Variants in DCBLD1 observed in about 807,000 individuals in gnomAD.
The protein encoded by DCBLD1 is discoidin, CUB and LCCL domain containing 1.
Under a neutral mutation model 71.5 loss-of-function variants are expected in DCBLD1, and 57 were observed. That is an observed-to-expected ratio of 0.80 (90% CI 0.64 to 0.99). The LOEUF (loss-of-function observed/expected upper bound fraction) is 0.99, where lower values mean the gene tolerates loss of function less well. Among genes scored for constraint, DCBLD1 ranks in the 50% least tolerant of loss-of-function variants. The pLI, the probability that DCBLD1 is intolerant of heterozygous loss-of-function variation, is 0.00. For synonymous variants in DCBLD1, 380 were observed against 363.8 expected (o/e 1.04, Z -0.51); for missense variants, 891 against 923.5 (o/e 0.96, Z 0.46).
In DCBLD1 at chr6:117,519,914, G is replaced by A; in HGVS notation, c.424G>A (p.Gly142Ser). ...FESGSHISGR[G>S]FLLTYASSDH... ...GAGTGGATCCCACATTTCTGGCCGG[G>A]GTTTTTTGCTGACCTATGCGAGCAG... is the stretch of plus-strand genomic sequence containing the variant. The change falls in exon 3 of 15, where the codon GGT becomes AGT. Residue 142 changes from glycine (G) to serine (S), a missense_variant. Gly to Ser is a moderately conservative substitution (Grantham distance 56). Coordinates refer to ENST00000338728, the MANE Select transcript of DCBLD1 (RefSeq NM_001366458.2). The A allele has an allele frequency of 6.2e-7, 1 of 1,614,070 alleles. No homozygotes were observed.
chr6:117,500,725 T>G (rs9688361), intron 1 of DCBLD1, among the ~76,000 whole-genome samples: 91,102 of 151,876 alleles, frequency 0.6, 29,203 homozygotes, highest in African/African-American at 0.85. Flanking sequence ...AAATTAGCCG[T>G]ACGTAAATGC....
chr6:117,544,279 C>A, intron 12 of DCBLD1: 1 of 387,778 alleles, frequency 2.6e-6, no homozygotes, highest in Non-Finnish European at 4.5e-6. Flanking sequence ...GCACTGATTT[C>A]TAATATGCAA....
chr6:117,487,458 C>T (rs1664926244), intron 1 of DCBLD1, among the ~76,000 whole-genome samples: 1 of 152,106 alleles, frequency 6.6e-6, no homozygotes, highest in African/African-American at 2.4e-5. Flanking sequence ...AATCCCATCT[C>T]TAGCGAAAAT....
intron 7 of DCBLD1, 133 bp downstream of exon 7, chr6:117,537,358 C>T (rs1483823503): frequency 1.4e-6 from 1 of 736,290 alleles, no homozygotes; most frequent in East Asian, 3.2e-5. Context: ...CACAGTGAAA[C>T]CCCGTCTCTA....
chr6:117,488,181 G>C (rs548437468), intron 1 of DCBLD1, among the ~76,000 whole-genome samples: 16 of 152,178 alleles, frequency 1.1e-4, no homozygotes, highest in Non-Finnish European at 2.1e-4. Flanking sequence ...ACCCAGTACG[G>C]TGCCTGGCAC....
intron 3 of DCBLD1, 85 bp from the exon 4 acceptor site, chr6:117,521,440 C>G: frequency 8.2e-7 from 1 of 1,213,138 alleles, no homozygotes; most frequent in Non-Finnish European, 1.2e-6. Context: ...TTTAAAAACT[C>G]TTTTATTTTA....
chr6:117,495,176 C>T (rs1219177230), intron 1 of DCBLD1, among the ~76,000 whole-genome samples: 1 of 144,700 alleles, frequency 6.9e-6, no homozygotes. Context: ...TAGACTTTCT[C>T]AGCCGATTAA....
At chr6:117,541,561 G>A (rs1308115277) in intron 11 of DCBLD1, among the ~76,000 whole-genome samples, 3 of 152,036 alleles carry the variant, frequency 2.0e-5, no homozygotes, top group Non-Finnish European at 4.4e-5. Context: ...TTTTGTATAC[G>A]GTTTGCATTT....
intron 13 of DCBLD1, 138 bp downstream of exon 13, chr6:117,544,715 A>G: frequency 2.6e-6 from 2 of 769,504 alleles, no homozygotes; most frequent in South Asian, 5.0e-5. Context: ...AAAGTAGCAT[A>G]TCTATAAGGA....
At chr6:117,505,745 G>T (rs77182475) in intron 2 of DCBLD1, among the ~76,000 whole-genome samples, 2,100 of 152,186 alleles carry the variant, frequency 0.014, 20 homozygotes, top group Non-Finnish European at 0.021. Context: ...AGGAATGATC[G>T]CTTGAGCTCA....
rs181875584 is a variant in DCBLD1, at chr6:117,538,508, T to C, written c.761-112T>C. 9.5e-5 allele frequency: 93 copies of C among 977,384 alleles called. No individual in the cohort carries two copies. The East Asian group carries it at 2.2e-3, about 23-fold the overall frequency. 60.5% of individuals were successfully genotyped at this position (977,384 alleles called of 1,614,324 possible). A position where few individuals can be genotyped will look rare whatever the true frequency, so the allele number is the denominator to read the frequency against. On this transcript the variant is annotated intron_variant, in intron 7 of 14. Transcript: ENST00000338728. ...TGGTAATTAAACACTTTATTCCATA[T>C]CAGAATAAAAGTCAACTAGTTGAAT...
At chr6:117,532,553 G>T (rs1224951358) in intron 6 of DCBLD1, among the ~76,000 whole-genome samples, 160 bp downstream of exon 6, 1 of 152,228 alleles carries the variant, frequency 6.6e-6, no homozygotes, top group Non-Finnish European at 1.5e-5. Context: ...TCTGGTCTCT[G>T]CATGGATGAT....
intron 12 of DCBLD1, among the ~76,000 whole-genome samples, chr6:117,543,880 A>G (rs1443783144): frequency 1.3e-5 from 2 of 152,218 alleles, no homozygotes; most frequent in Non-Finnish European, 2.9e-5. Context: ...TATAAAATAT[A>G]GTTTACCCAG....
In DCBLD1 at chr6:117,561,062, G is replaced by A. The variant is rs1310918861; in HGVS notation, c.1616-8558G>A. 2.7e-5 allele frequency: 6 copies of A among 223,356 alleles called. No homozygotes were observed. The East Asian group carries it at 3.9e-4, about 15-fold the overall frequency. 13.8% of individuals were successfully genotyped at this position (223,356 alleles called of 1,614,324 possible). A position where few individuals can be genotyped will look rare whatever the true frequency, so the allele number is the denominator to read the frequency against. ...TCTAACACCGGACAGGAAGCTCACA[G>A]TAGCATCTGAGCAACGGTGCTCTCC... is the stretch of plus-strand genomic sequence containing the variant. On this transcript the variant is annotated intron_variant, in intron 14 of 14. Transcript: ENST00000296955.
intron 1 of DCBLD1, among the ~76,000 whole-genome samples, chr6:117,488,876 TCAG>T (rs546537439): frequency 1.1e-3 from 162 of 152,298 alleles, no homozygotes; most frequent in Middle Eastern, 6.8e-3. Flanking sequence ...ATTTGTGACA[TCAG>T]CACTGTGTTA....
chr6:117,538,769 A>G lies in DCBLD1; in HGVS notation c.910A>G (p.Ser304Gly). ...DQGPSWASGD[S>G]SNNHKPREWL... ...AGGCCCATCATGGGCTTCGGGCGAC[A>G]GTAGCAACAACCACAAACCACGAGA... The change falls in exon 8 of 15, where the codon AGT becomes GGT. Residue 304 changes from serine (S) to glycine (G), a missense_variant. Coordinates refer to ENST00000338728, the MANE Select transcript of DCBLD1 (RefSeq NM_001366458.2). The G allele has an allele frequency of 6.2e-7, 1 of 1,614,188 alleles. No homozygotes were observed. The highest frequency in any genetic ancestry group is 1.7e-4 in the Middle Eastern group (1 of 6,056).
intron 6 of DCBLD1, among the ~76,000 whole-genome samples, chr6:117,536,252 A>G (rs1583020768): frequency 3.3e-5 from 5 of 152,262 alleles, no homozygotes; most frequent in Admixed American, 3.3e-4. Context: ...TAGTTGTAAA[A>G]AGTTGGACAC....
chr6:117,552,107 A>G (rs1319787638), downstream of DCBLD1, among the ~76,000 whole-genome samples: 1 of 152,304 alleles, frequency 6.6e-6, no homozygotes, highest in East Asian at 1.9e-4. Flanking sequence ...GCAACAGAGC[A>G]AGACCATGTT....
At chr6:117,522,966 T>C (rs960597288) in intron 4 of DCBLD1, among the ~76,000 whole-genome samples, 2 of 152,034 alleles carry the variant, frequency 1.3e-5, no homozygotes, top group Non-Finnish European at 2.9e-5. Flanking sequence ...ATGAGATTAT[T>C]TTATGTGCAG....
Sources: allele counts gnomAD v4.1 joint callset (sites outside exome capture counted in the v4.1 genomes callset), GRCh38; gene constraint gnomAD v4.1.1; transcripts MANE v1.5; gene names NCBI Gene and HGNC (gene_info 2026-07-23, HGNC 2026-07-21).